The following STK17A variants were observed in gnomAD, a reference collection of about 807,000 sequenced individuals.
STK17A encodes the protein serine/threonine-protein kinase 17A.
A neutral mutation model predicts 43.7 loss-of-function variants in STK17A; 26 were observed. The ratio of observed to expected loss-of-function variants is 0.60; its 90% CI spans 0.44 to 0.83. STK17A has a LOEUF of 0.83. STK17A is among the 40% of genes least tolerant of loss of function. The pLI is 0.00. For synonymous variants in STK17A, 191 were observed against 182.5 expected (o/e 1.05, Z -0.38); for missense variants, 476 against 511.6 (o/e 0.93, Z 0.67).
intron 2 of STK17A, among the ~76,000 whole-genome samples, chr7:43,597,314 A>G (rs2082523101): frequency 7.1e-6 from 1 of 141,238 alleles, no homozygotes; most frequent in South Asian, 2.2e-4. Flanking sequence ...ATTATGGAAA[A>G]AAAATCCTAA....
intron 2 of STK17A, among the ~76,000 whole-genome samples, chr7:43,607,613 C>A (rs1241578431): frequency 7.3e-6 from 1 of 137,300 alleles, no homozygotes; most frequent in African/African-American, 2.8e-5. Context: ...CACGCCACTG[C>A]ACTCCGGCCT....
chr7:43,583,493 G>C (rs1221459174), intron 1 of STK17A, 44 bp downstream of exon 1: 13 of 1,256,434 alleles, frequency 1.0e-5, no homozygotes, highest in Non-Finnish European at 1.2e-5. Context: ...CCGGACGCGC[G>C]GGGCGGGACG....
At chr7:43,623,922 TAATTC>T in intron 6 of STK17A, 34 bp downstream of exon 6, 2 of 1,322,814 alleles carry the variant, frequency 1.5e-6, no homozygotes, top group South Asian at 4.3e-5. Context: ...AATATTGAAC[TAATTC>T]AATATTAAAA....
intron 1 of STK17A, among the ~76,000 whole-genome samples, chr7:43,594,432 C>A (rs966924055): frequency 6.6e-6 from 1 of 152,046 alleles, no homozygotes; most frequent in East Asian, 1.9e-4. Context: ...TGACTGTAAC[C>A]CTTCAACTGA....
chr7:43,590,456 T>G lies in STK17A; in HGVS notation c.207-5445T>G. Among the ~76,000 whole-genome samples, 2 of 151,350 alleles carry G rather than the reference T, an allele frequency of 1.3e-5. 1 individual carries two copies. Among genetic ancestry groups the G allele is most frequent in the Non-Finnish European group, 3.0e-5 (2 of 67,560 alleles). ...ATGTCACCTCCTCTTGTTATAATTG[T>G]TTATGTATCTTACCTTTCCCACCTC... On this transcript the variant is annotated intron_variant, in intron 1 of 6. Transcript: ENST00000319357.
rs755137509 is a variant in STK17A, at chr7:43,626,560, A to G, written c.*1718A>G. On this transcript the variant is annotated 3_prime_UTR_variant, in exon 7 of 7. Coordinates refer to ENST00000319357, the MANE Select transcript of STK17A (RefSeq NM_004760.3). ...CACAGTGATAGAGTTTTTAATGAAT[A>G]TCCATGGCCACAGTTTTGAGTCTCA... 2 of 152,216 alleles carry G rather than the reference A, an allele frequency of 1.3e-5. No individual in the cohort carries two copies. The highest frequency in any genetic ancestry group is 2.9e-5 in the Non-Finnish European group (2 of 68,038). 9.4% of individuals were successfully genotyped at this position (152,216 alleles called of 1,614,324 possible). A position where few individuals can be genotyped will look rare whatever the true frequency, so the allele number is the denominator to read the frequency against.
At position 43,624,663 on chromosome 7, in the gene STK17A, A is replaced by G. The variant is rs1211746137; in HGVS notation, c.1066A>G (p.Thr356Ala). 6.2e-7 allele frequency: 1 copy of G among 1,614,112 alleles called. No homozygotes were observed. Among genetic ancestry groups the G allele is most frequent in the Admixed American group, 1.7e-5 (1 of 60,022 alleles). ...GHSVPEINSD[T>A]DKSETKESIV... ...TTCTGTGCCTGAAATTAATTCGGAT[A>G]CCGACAAATCAGAAACCAAGGAATC... The change falls in exon 7 of 7, where the codon ACC becomes GCC. Residue 356 changes from threonine to alanine, a missense_variant. Thr to Ala is a moderately conservative substitution (Grantham distance 58). This residue lies in a region of STK17A where 110 missense variants were observed against 103.7 expected (regional missense o/e 1.06). Coordinates refer to ENST00000319357, the MANE Select transcript of STK17A (RefSeq NM_004760.3).
chr7:43,615,477 C>A (rs960769226), intron 3 of STK17A, among the ~76,000 whole-genome samples: 6 of 149,002 alleles, frequency 4.0e-5, no homozygotes, highest in African/African-American at 1.5e-4. Context: ...GCGCCCAGCC[C>A]TTTTGTTGTA....
At chr7:43,624,371 G>A (rs1449611444) in intron 6 of STK17A, 147 bp from the exon 7 acceptor site, 1 of 769,678 alleles carries the variant, frequency 1.3e-6, no homozygotes, top group Non-Finnish European at 2.0e-6. Context: ...CAAATTCCAA[G>A]ACTAATAGTT....
intron 3 of STK17A, among the ~76,000 whole-genome samples, chr7:43,617,141 C>T (rs536064085): frequency 1.3e-5 from 2 of 150,636 alleles, no homozygotes; most frequent in Non-Finnish European, 2.9e-5. Flanking sequence ...CTTCATGGAG[C>T]CGGGGGATCA....
intron 2 of STK17A, among the ~76,000 whole-genome samples, chr7:43,599,475 T>G (rs1282007126): frequency 6.6e-6 from 1 of 152,230 alleles, no homozygotes; most frequent in Admixed American, 6.5e-5. Context: ...TAATTAGCTT[T>G]TAAACCATTA....
rs1231707175 is a variant in STK17A at position 43,619,686 on chromosome 7, A to G, written c.654A>G (p.Glu218=). 6.2e-7 allele frequency: 1 copy of G among 1,614,074 alleles called. No homozygotes were observed. The highest frequency in any genetic ancestry group is 8.5e-7 in the Non-Finnish European group (1 of 1,179,964). ...TTTCAAGAATATTGAAGAACAGTGA[A>G]GAGCTCCGAGAAATTATGGGTACCC... ...FGLSRILKNS[E]ELREIMGTPE... is the part of the protein sequence containing the mutation. Residue 218 remains glutamate, a synonymous_variant, in exon 4 of 7, where the codon GAA becomes GAG. Coordinates refer to ENST00000319357, the MANE Select transcript of STK17A (RefSeq NM_004760.3).
chr7:43,606,108 A>T (rs2082586759), intron 2 of STK17A, among the ~76,000 whole-genome samples: 2 of 151,962 alleles, frequency 1.3e-5, no homozygotes, highest in Admixed American at 1.3e-4. Context: ...ATTAATGCAT[A>T]TGTATTTGTT....
intron 4 of STK17A, 127 bp from the exon 5 acceptor site, chr7:43,623,445 A>G: frequency 1.4e-6 from 1 of 721,364 alleles, no homozygotes; most frequent in Non-Finnish European, 2.3e-6. Flanking sequence ...ATTTATGGTA[A>G]CCTTTCATTT....
intron 5 of STK17A, 43 bp from the exon 6 acceptor site, chr7:43,623,666 G>A (rs1481042487): frequency 6.2e-7 from 1 of 1,606,362 alleles, no homozygotes; most frequent in Admixed American, 1.7e-5. Flanking sequence ...TTCAAGAAAT[G>A]AGTATGGTAC....
chr7:43,594,077 T>G lies in STK17A; in HGVS notation c.207-1824T>G, dbSNP rs541422547. On this transcript the variant is annotated intron_variant, in intron 1 of 6. Coordinates refer to ENST00000319357, the MANE Select transcript of STK17A (RefSeq NM_004760.3). ...CTTCAGATTTGGTTGGCACATTTTC[T>G]GCTGAGCCATAATAGGGAGTCAACC... 2.0e-5 allele frequency among the ~76,000 whole-genome samples: 3 copies of G among 152,314 alleles called. No homozygotes were observed. The East Asian group carries it at 5.8e-4, about 29-fold the overall frequency.
intron 2 of STK17A, among the ~76,000 whole-genome samples, chr7:43,599,370 C>G (rs2082541511): frequency 6.6e-6 from 1 of 152,182 alleles, no homozygotes; most frequent in South Asian, 2.1e-4. Context: ...TGGTTGTGAT[C>G]TACAAATTTT....
At chr7:43,618,305 G>A (rs563567435) in intron 3 of STK17A, among the ~76,000 whole-genome samples, 1 of 152,324 alleles carries the variant, frequency 6.6e-6, no homozygotes, top group Admixed American at 6.5e-5. Context: ...CATGGAATGA[G>A]GGATGAGAAT....
At chr7:43,606,916 C>CTTTTTTTTTTTTTTTTTTTTTTTTTTT (rs71011933) in intron 2 of STK17A, among the ~76,000 whole-genome samples, 2 of 62,638 alleles carry the variant, frequency 3.2e-5, no homozygotes, top group African/African-American at 1.6e-4. Flanking sequence ...TTTCGATTTT[C>CTTTTTTTTTTTTTTTTTTTTTTTTTTT]TTTTTTTTTT....
Sources: allele counts gnomAD v4.1 joint callset (sites outside exome capture counted in the v4.1 genomes callset), GRCh38; gene constraint gnomAD v4.1.1; regional missense constraint gnomAD v4.1.1; transcripts MANE v1.5; gene names NCBI Gene and HGNC (gene_info 2026-07-23, HGNC 2026-07-21).